ANGPTL4: variants seen among roughly 807,000 people sequenced by gnomAD.
ANGPTL4 encodes angiopoietin like 4.
ANGPTL4 carries 39 observed loss-of-function variants against 39.2 expected under a neutral mutation model. The observed-to-expected ratio is 1.00, with a 90% CI of 0.77 to 1.30. The LOEUF (loss-of-function observed/expected upper bound fraction) is 1.30, where lower values mean the gene tolerates loss of function less well. ANGPTL4 is among the 50% of genes most tolerant of loss of function. The pLI, the probability that ANGPTL4 is intolerant of heterozygous loss-of-function variation, is 0.00. For synonymous variants in ANGPTL4, 233 were observed against 229.5 expected, an observed-to-expected ratio of 1.02 and a Z score of -0.14; for missense variants, 545 against 549.8, an observed-to-expected ratio of 0.99 and a Z score of 0.09.
intron 1 of ANGPTL4, among the ~76,000 whole-genome samples, chr19:8,364,982 A>C (rs956916418): frequency 6.6e-6 from 1 of 152,198 alleles, no homozygotes; most frequent in African/African-American, 2.4e-5. Context: ...TAGCCTGGCC[A>C]ACATGGAGAA....
In ANGPTL4 at chr19:8,374,265, A is replaced by T. The variant is rs1208010455; in HGVS notation, c.*379A>T. On this transcript the variant is annotated 3_prime_UTR_variant, in exon 7 of 7. Coordinates refer to ENST00000301455, the MANE Select transcript of ANGPTL4 (RefSeq NM_139314.3). ...GCTTGTGTGGGTCGAGAGCGCCCTC[A>T]TGGTGCTGGTGCTGTTGTGTGTAGG... 6.8e-6 allele frequency: 2 copies of T among 293,562 alleles called. No individual in the cohort carries two copies. The highest frequency in any genetic ancestry group is 1.3e-5 in the Non-Finnish European group (2 of 150,186). 18.2% of individuals were successfully genotyped at this position (293,562 alleles called of 1,614,324 possible). A position where few individuals can be genotyped will look rare whatever the true frequency, so the allele number is the denominator to read the frequency against.
chr19:8,369,381 GTCTT>G (rs1971070558), intron 4 of ANGPTL4, 49 bp downstream of exon 4: 1 of 1,379,444 alleles, frequency 7.2e-7, no homozygotes, highest in Non-Finnish European at 1.0e-6. Flanking sequence ...AGGCCCTGTT[GTCTT>G]TCTTTAAATT....
intron 6 of ANGPTL4, among the ~76,000 whole-genome samples, chr19:8,373,239 T>TA (rs1268951999): frequency 6.6e-6 from 1 of 152,034 alleles, no homozygotes; most frequent in Non-Finnish European, 1.5e-5. Flanking sequence ...ACCCCCTCAC[T>TA]ACTAAAAATA....
Position 8,373,909 on chromosome 19 carries a change from A to G in ANGPTL4, c.*23A>G. ...TAGCGTCCTGGCTGGGCCTGGTCCC[A>G]GGCCCACGAAAGACGGTGACTCTTG... On this transcript the variant is annotated 3_prime_UTR_variant, in exon 7 of 7. Coordinates refer to ENST00000301455, the MANE Select transcript of ANGPTL4 (RefSeq NM_139314.3). 2 of 1,611,066 alleles carry G rather than the reference A, an allele frequency of 1.2e-6. No individual in the cohort carries two copies. Among genetic ancestry groups the G allele is most frequent in the Non-Finnish European group, 1.7e-6 (2 of 1,179,026 alleles).
intron 4 of ANGPTL4, among the ~76,000 whole-genome samples, chr19:8,369,835 G>T (rs1336745852): frequency 6.6e-6 from 1 of 151,970 alleles, no homozygotes; most frequent in Non-Finnish European, 1.5e-5. Context: ...CTATCATGAG[G>T]ATCACTTGAG....
chr19:8,371,225 G>A lies in ANGPTL4; in HGVS notation c.758-16G>A. On this transcript the variant is annotated splice_polypyrimidine_tract_variant and intron_variant, in intron 5 of 6. Transcript: ENST00000301455. The surrounding 1 kb of genome is among the most constrained non-coding windows in gnomAD (Gnocchi z 5.1). Reference sequence around the variant, plus strand: ...AGAAGTGGCCCTGCCTCATGGAGTGGCCTCTCCCACTCCAGGCGAGTTCTG... The same window carrying A: ...AGAAGTGGCCCTGCCTCATGGAGTGACCTCTCCCACTCCAGGCGAGTTCTG... 6.2e-7 allele frequency: 1 copy of A among 1,614,114 alleles called. No individual in the cohort carries two copies. Among genetic ancestry groups the A allele is most frequent in the Non-Finnish European group, 8.5e-7 (1 of 1,180,034 alleles).
Sources: allele counts gnomAD v4.1 joint callset (sites outside exome capture counted in the v4.1 genomes callset), GRCh38; gene constraint gnomAD v4.1.1; non-coding constraint Gnocchi (gnomAD v3.1); transcripts MANE v1.5; gene names NCBI Gene and HGNC (gene_info 2026-07-23, HGNC 2026-07-21).